Variants in PAM16 observed in about 807,000 individuals in gnomAD.
The protein encoded by PAM16 is mitochondrial import inner membrane translocase subunit TIM16.
PAM16 carries 11 observed loss-of-function variants against 17.9 expected under a neutral mutation model. That is an observed-to-expected ratio of 0.62 (90% confidence interval 0.39 to 1.02). PAM16 has a LOEUF of 1.02. PAM16 is among the 50% of genes least tolerant of loss of function. PAM16 has a pLI of 0.01. For synonymous variants in PAM16, 72 were observed against 67.4 expected (o/e 1.07, Z -0.34); for missense variants, 199 against 165.4 (o/e 1.20, Z -1.11).
intron 4 of PAM16, among the ~76,000 whole-genome samples, chr16:4,340,702 G>A (rs1185915227): frequency 6.6e-6 from 1 of 152,178 alleles, no homozygotes; most frequent in Non-Finnish European, 1.5e-5. Context: ...TCTATCTGGG[G>A]TGACACAGCC....
At position 4,351,308 on chromosome 16, in the gene PAM16, G is replaced by A. The variant is rs1309696945; in HGVS notation, c.-74C>T. On this transcript the variant is annotated 5_prime_UTR_variant, in exon 1 of 5. Coordinates refer to ENST00000318059, the MANE Select transcript of PAM16 (RefSeq NM_016069.11). ...GGCCGGGGATCAAGCGTGGTCGGCG[G>A]GTCAGAGGTCAAGGAAAGCCGCAGA... 4 of 1,225,286 alleles carry A rather than the reference G, an allele frequency of 3.3e-6. No individual in the cohort carries two copies. The highest frequency in any genetic ancestry group is 2.7e-5 in the Admixed American group (1 of 37,302). The allele number at this position is 1,225,286 out of a possible 1,614,324, so 75.9% of individuals were successfully genotyped here.
chr16:4,351,056 G>A (rs9646291), intron 1 of PAM16, 176 bp downstream of exon 1: 5,034 of 345,580 alleles, frequency 0.015, 46 homozygotes, highest in Non-Finnish European at 0.017. Context: ...TGAGGCCGCC[G>A]GTGCCGCCGC....
chr16:4,343,101 G>A lies in PAM16; in HGVS notation c.88+106C>T, dbSNP rs150060174. On this transcript the variant is annotated intron_variant, in intron 2 of 4. Coordinates refer to ENST00000318059, the MANE Select transcript of PAM16 (RefSeq NM_016069.11). ...CCCCCCACCATGGGAAGTGCCTCAGGCCACGCACACTTCAGAACCGCCAGG... is the reference window on the plus strand; with the variant it reads ...CCCCCCACCATGGGAAGTGCCTCAGACCACGCACACTTCAGAACCGCCAGG... 1.8e-4 allele frequency: 261 copies of A among 1,470,538 alleles called. No individual in the cohort carries two copies. The African/African-American group carries it at 3.1e-3, about 18-fold the overall frequency. 91.1% of individuals were successfully genotyped at this position (1,470,538 alleles called of 1,614,324 possible).
chr16:4,343,140 T>C, intron 2 of PAM16, 67 bp downstream of exon 2: 16 of 1,607,616 alleles, frequency 1.0e-5, no homozygotes, highest in Non-Finnish European at 1.3e-5. Context: ...GAGGTGCCCA[T>C]GGCTACGGGG....
At chr16:4,343,875 T>C (rs573853093) in intron 1 of PAM16, 55 of 398,528 alleles carry the variant, frequency 1.4e-4, no homozygotes, top group African/African-American at 1.0e-3. Flanking sequence ...AAACACACTA[T>C]GGACCAAATC....
chr16:4,344,814 A>G (rs961709766), intron 1 of PAM16, among the ~76,000 whole-genome samples: 77 of 6,786 alleles, frequency 0.011, no homozygotes, highest in South Asian at 0.019. Context: ...AGAGGAGGGG[A>G]TTGTGTGAGA....
intron 1 of PAM16, 174 bp downstream of exon 1, chr16:4,351,049 GGCCGCCGGT>G (rs967937459): frequency 7.9e-5 from 27 of 340,676 alleles, no homozygotes; most frequent in African/African-American, 2.6e-4. Flanking sequence ...CTGGCCCTGA[GGCCGCCGGT>G]GCCGCCGCTG....
At chr16:4,347,388 C>T (rs933828431) in intron 1 of PAM16, 7 of 152,236 alleles carry the variant, frequency 4.6e-5, no homozygotes, top group African/African-American at 1.7e-4. Context: ...GAACTGCCCT[C>T]CTCGGCTTCC....
At chr16:4,343,579 T>C in intron 1 of PAM16, 1 of 1,384,474 alleles carries the variant, frequency 7.2e-7, no homozygotes, top group Non-Finnish European at 9.3e-7. Flanking sequence ...CAAGGCAAAG[T>C]GGCTGCAACC....
At chr16:4,344,287 G>A (rs2053702622) in intron 1 of PAM16, among the ~76,000 whole-genome samples, 1 of 2,746 alleles carries the variant, frequency 3.6e-4, no homozygotes, top group Non-Finnish European at 8.3e-4. Flanking sequence ...AGAGGAGGGG[G>A]TTCTGTGTGA....
rs753707931 is a variant in PAM16 at position 4,343,243 on chromosome 16, T to G, written c.52A>C (p.Arg18=). The change falls in exon 2 of 5, where the codon AGG becomes CGG. Residue 18 remains arginine, a synonymous_variant. Coordinates refer to ENST00000318059, the MANE Select transcript of PAM16 (RefSeq NM_016069.11). ...TGCCGCAAGGCCCGTGCAAAGGCCC[T>G]GCCCACCACCTGCACGCCCATCACA... ...IIVMGVQVVG[R]AFARALRQEF... 4.3e-6 allele frequency: 7 copies of G among 1,612,778 alleles called. No individual in the cohort carries two copies. The highest frequency in any genetic ancestry group is 5.9e-6 in the Non-Finnish European group (7 of 1,179,954).
chr16:4,350,366 T>C (rs901847947), intron 1 of PAM16, among the ~76,000 whole-genome samples: 2 of 149,848 alleles, frequency 1.3e-5, no homozygotes, highest in African/African-American at 4.9e-5. Flanking sequence ...TAATAATATG[T>C]AGTATACATA....
chr16:4,349,832 A>T (rs931582292), intron 1 of PAM16, among the ~76,000 whole-genome samples: 1 of 152,172 alleles, frequency 6.6e-6, no homozygotes, highest in African/African-American at 2.4e-5. Flanking sequence ...GGTCTCTGAC[A>T]CCATGGGATG....
At chr16:4,341,029 C>T (rs936317312) in intron 3 of PAM16, 44 bp from the exon 4 acceptor site, 1 of 1,611,176 alleles carries the variant, frequency 6.2e-7, no homozygotes, top group Non-Finnish European at 8.5e-7. Flanking sequence ...AGACTGCAGG[C>T]AAGAGATGTT....
intron 1 of PAM16, among the ~76,000 whole-genome samples, chr16:4,349,947 T>G (rs969119778): frequency 1.3e-5 from 2 of 152,098 alleles, no homozygotes; most frequent in Non-Finnish European, 2.9e-5. Flanking sequence ...AGACTCTACA[T>G]AAAGCCTTAG....
At chr16:4,341,311 T>A in intron 3 of PAM16, 57 bp downstream of exon 3, 1 of 1,534,314 alleles carries the variant, frequency 6.5e-7, no homozygotes, top group Non-Finnish European at 8.8e-7. Context: ...CTCCCTTCAC[T>A]CTTCCCACCC....
intron 1 of PAM16, 85 bp downstream of exon 1, chr16:4,351,147 G>C: frequency 2.6e-6 from 2 of 756,820 alleles, no homozygotes; most frequent in South Asian, 1.1e-4. Context: ...GGCGCCCGCC[G>C]CCCAGCCCGG....
In PAM16 at chr16:4,351,214, G is replaced by A. The variant is rs763067185; in HGVS notation, c.3+18C>T. 3 of 1,405,366 alleles carry A rather than the reference G, an allele frequency of 2.1e-6. No individual in the cohort carries two copies. Among genetic ancestry groups the A allele is most frequent in the South Asian group, 1.7e-5 (1 of 59,820 alleles). 87.1% of individuals were successfully genotyped at this position (1,405,366 alleles called of 1,614,324 possible). ...GACTCGGCTTCCCCTCCCCGGTAGC[G>A]CCCGACTCGGGGCTCACCATGGCAG... is the stretch of plus-strand genomic sequence containing the variant. On this transcript the variant is annotated intron_variant, in intron 1 of 4. Coordinates refer to ENST00000318059, the MANE Select transcript of PAM16 (RefSeq NM_016069.11).
rs183729741 is a variant in PAM16 at position 4,343,998 on chromosome 16, T to A, written c.4-707A>T. On this transcript the variant is annotated intron_variant, in intron 1 of 4. Transcript: ENST00000318059. Reference sequence around the variant, plus strand: ...CTTGAGCACAAAGCTACACAGAACCTGGTCCCTGCCCCGAGTCAGAGCACA... The same window carrying A: ...CTTGAGCACAAAGCTACACAGAACCAGGTCCCTGCCCCGAGTCAGAGCACA... 3.2e-4 allele frequency: 129 copies of A among 398,010 alleles called. No individual in the cohort carries two copies. The East Asian group carries it at 4.3e-3, about 13-fold the overall frequency. The allele number at this position is 398,010 out of a possible 1,614,324, so 24.7% of individuals were successfully genotyped here.
Sources: allele counts gnomAD v4.1 joint callset (sites outside exome capture counted in the v4.1 genomes callset), GRCh38; gene constraint gnomAD v4.1.1; transcripts MANE v1.5; gene names NCBI Gene and HGNC (gene_info 2026-07-23, HGNC 2026-07-21).